The following SH3GL3 variants were observed in gnomAD, a reference collection of about 807,000 sequenced individuals.
SH3GL3 encodes the protein SH3 domain containing GRB2 like 3, endophilin A3, also known as endophilin-A3.
A neutral mutation model predicts 47.7 loss-of-function variants in SH3GL3; 33 were observed. The ratio of observed to expected loss-of-function variants is 0.69; its 90% CI spans 0.52 to 0.92. The LOEUF is 0.92. Among genes scored for constraint, SH3GL3 ranks in the 40% least tolerant of loss-of-function variants. The pLI, the probability that SH3GL3 is intolerant of heterozygous loss-of-function variation, is 0.00. For missense variants in SH3GL3, 363 were observed against 417.8 expected (o/e 0.87, Z 1.14); for synonymous variants, 155 against 148.8 (o/e 1.04, Z -0.30).
downstream of SH3GL3, among the ~76,000 whole-genome samples, chr15:83,621,468 C>A (rs969669918): frequency 6.6e-6 from 1 of 152,266 alleles, no homozygotes; most frequent in East Asian, 1.9e-4. Flanking sequence ...AAAACACACA[C>A]AACATTTATC....
intron 8 of SH3GL3, among the ~76,000 whole-genome samples, chr15:83,597,456 A>G (rs1596328453): frequency 6.6e-6 from 1 of 152,294 alleles, no homozygotes; most frequent in South Asian, 2.1e-4. Context: ...GGAAGTGGAC[A>G]TCTTTGAGGC....
intron 2 of SH3GL3, among the ~76,000 whole-genome samples, chr15:83,563,981 A>T (rs1596268364): frequency 6.6e-6 from 1 of 152,254 alleles, no homozygotes; most frequent in East Asian, 1.9e-4. Context: ...TTAGAATATT[A>T]TGCCACTTTT....
intron 8 of SH3GL3, among the ~76,000 whole-genome samples, chr15:83,615,996 T>C (rs956923021): frequency 1.3e-5 from 2 of 152,108 alleles, no homozygotes; most frequent in Admixed American, 6.6e-5. Flanking sequence ...CTCTTCAATT[T>C]GTGCATTCAT....
intron 8 of SH3GL3, among the ~76,000 whole-genome samples, chr15:83,616,395 A>C (rs1163016664): frequency 6.6e-6 from 1 of 151,840 alleles, no homozygotes; most frequent in Admixed American, 6.6e-5. Flanking sequence ...CTGGGACTAC[A>C]GGTGCCCGCC....
intron 8 of SH3GL3, chr15:83,609,509 G>A (rs1952371651): frequency 2.9e-6 from 1 of 340,394 alleles, no homozygotes; most frequent in Non-Finnish European, 5.9e-6. Context: ...ACCCCAACAG[G>A]GACTTATGTT....
chr15:83,612,861 C>G (rs967294623), intron 8 of SH3GL3, among the ~76,000 whole-genome samples: 1 of 152,236 alleles, frequency 6.6e-6, no homozygotes, highest in African/African-American at 2.4e-5. Context: ...TTCTCTCTCT[C>G]TCTCGCTCTT....
downstream of SH3GL3, among the ~76,000 whole-genome samples, chr15:83,623,601 T>G (rs1273217677): frequency 6.6e-6 from 1 of 152,254 alleles, no homozygotes; most frequent in Non-Finnish European, 1.5e-5. Flanking sequence ...TCTCGCAGGC[T>G]GGGCCCAGCA....
intron 3 of SH3GL3, 66 bp downstream of exon 3, chr15:83,565,272 G>A (rs2045480360): frequency 2.2e-6 from 2 of 898,628 alleles, no homozygotes; most frequent in Non-Finnish European, 3.7e-6. Flanking sequence ...TTTACTTGGT[G>A]TTTAGTTGAC....
At chr15:83,608,464 A>G (rs1357043955) in intron 8 of SH3GL3, among the ~76,000 whole-genome samples, 1 of 152,212 alleles carries the variant, frequency 6.6e-6, no homozygotes, top group Admixed American at 6.5e-5. Flanking sequence ...TCAGCATTAG[A>G]CACCAGTGTT....
At chr15:83,492,486 A>G (rs2041917223) in intron 1 of SH3GL3, among the ~76,000 whole-genome samples, 1 of 151,990 alleles carries the variant, frequency 6.6e-6, no homozygotes. Flanking sequence ...GGCAGATGCA[A>G]TTGATGTTCT....
At chr15:83,502,433 C>A (rs2042333908) in intron 1 of SH3GL3, among the ~76,000 whole-genome samples, 3 of 152,238 alleles carry the variant, frequency 2.0e-5, no homozygotes, top group African/African-American at 7.2e-5. Context: ...TTCCTGGATT[C>A]AGCATGTGTC....
intron 1 of SH3GL3, among the ~76,000 whole-genome samples, chr15:83,554,743 C>CTG (rs1352675913): frequency 6.6e-6 from 1 of 152,178 alleles, no homozygotes; most frequent in African/African-American, 2.4e-5. Context: ...CTGGCATCTG[C>CTG]TGTTGCAGAA....
rs546198060 is a variant in SH3GL3 at position 83,479,964 on chromosome 15, C to T, written c.45+32386C>T. ...GCACTTGGTAGAATGCTTGCCATGT[C>T]GTAATTGCTAAATAAATGCTAACTT... On this transcript the variant is annotated intron_variant, in intron 1 of 8. Transcript: ENST00000427482. Among the ~76,000 whole-genome samples the T allele has an allele frequency of 3.3e-5, 5 of 152,204 alleles. No individual in the cohort carries two copies. The South Asian group carries it at 8.3e-4, about 25-fold the overall frequency.
intron 1 of SH3GL3, among the ~76,000 whole-genome samples, chr15:83,549,881 GA>G (rs1415488780): frequency 6.6e-6 from 1 of 152,170 alleles, no homozygotes; most frequent in East Asian, 1.9e-4. Context: ...TTGCAAGACA[GA>G]ACATTTCCTA....
At chr15:83,463,252 G>T (rs1218102351) in intron 1 of SH3GL3, among the ~76,000 whole-genome samples, 1 of 152,140 alleles carries the variant, frequency 6.6e-6, no homozygotes, top group East Asian at 1.9e-4. Context: ...ACATTCTTTA[G>T]AACTGTAGCA....
intron 8 of SH3GL3, among the ~76,000 whole-genome samples, chr15:83,613,867 T>C (rs2060741272): frequency 6.6e-6 from 1 of 152,158 alleles, no homozygotes; most frequent in South Asian, 2.1e-4. Context: ...TGGCTTCTCT[T>C]GGAAAAGGAG....
At chr15:83,532,953 C>A (rs1247591260) in intron 1 of SH3GL3, among the ~76,000 whole-genome samples, 2 of 152,196 alleles carry the variant, frequency 1.3e-5, no homozygotes, top group African/African-American at 4.8e-5. Context: ...ATATGACTAC[C>A]TGTAGTCACA....
Position 83,466,413 on chromosome 15 carries a change from A to AATATAT in SH3GL3, c.45+18846_45+18851dup, listed in dbSNP as rs58728071. Reference sequence around the variant, plus strand: ...AAATGTCCAGGAGTGCAATTGTTAGAATATATATATATATATGGGGAAAGG... The same window carrying AATATAT: ...AAATGTCCAGGAGTGCAATTGTTAGAATATATATATATATATATATATGGGGAAAGG... On this transcript the variant is annotated intron_variant, in intron 1 of 8. Transcript: ENST00000427482. Among the ~76,000 whole-genome samples, 360 of 149,632 alleles carry AATATAT rather than the reference A, an allele frequency of 2.4e-3. 2 individuals are homozygous for AATATAT. The highest frequency in any genetic ancestry group is 7.1e-3 in the African/African-American group (291 of 40,886).
At chr15:83,464,821 C>G (rs1413557071) in intron 1 of SH3GL3, among the ~76,000 whole-genome samples, 1 of 152,012 alleles carries the variant, frequency 6.6e-6, no homozygotes, top group Non-Finnish European at 1.5e-5. Context: ...AATTTCCAGA[C>G]CAGCTACAAT....
Sources: gnomAD v4.1 joint callset for allele counts (sites outside exome capture counted in the v4.1 genomes callset) on GRCh38, gnomAD v4.1.1 for gene constraint, MANE v1.5 for transcripts, NCBI Gene and HGNC (gene_info 2026-07-23, HGNC 2026-07-21) for gene names.